MICAL3: variants seen among roughly 807,000 people sequenced by gnomAD.
MICAL3 encodes microtubule associated monooxygenase, calponin and LIM domain containing 3.
MICAL3 carries 62 observed loss-of-function variants against 207.4 expected under a neutral mutation model. The observed-to-expected ratio is 0.30, with a 90% CI of 0.24 to 0.37. The LOEUF (loss-of-function observed/expected upper bound fraction) is 0.37. MICAL3 is among the 10% of genes least tolerant of loss of function. The pLI is 1.00. For synonymous variants in MICAL3, 1,077 were observed against 1,069.3 expected (o/e 1.01, Z -0.14); for missense variants, 2,368 against 2,635.6 (o/e 0.90, Z 2.22).
intron 1 of MICAL3, among the ~76,000 whole-genome samples, chr22:17,909,902 A>T (rs1295960877): frequency 2.6e-5 from 4 of 152,080 alleles, no homozygotes; most frequent in Non-Finnish European, 4.4e-5. Context: ...TCTTTGTGGG[A>T]CTTCTGAGGC....
At chr22:17,930,501 C>T (rs1933191230) in intron 1 of MICAL3, among the ~76,000 whole-genome samples, 1 of 152,206 alleles carries the variant, frequency 6.6e-6, no homozygotes, top group South Asian at 2.1e-4. Context: ...CAACATCCAG[C>T]CACACCGATG....
In MICAL3 at chr22:17,902,013, AC is replaced by A; in HGVS notation, c.590-35del. 1 of 1,482,566 alleles carries A rather than the reference AC, an allele frequency of 6.7e-7. No homozygotes were observed. Among genetic ancestry groups the A allele is most frequent in the Non-Finnish European group, 9.4e-7 (1 of 1,069,286 alleles). The allele number at this position is 1,482,566 out of a possible 1,614,324, so 91.8% of individuals were successfully genotyped here. ...CAAAACCAAATAAATGGGGGTCACC[AC>A]CCAGACCACATTCACAGCCAGGACC... On this transcript the variant is annotated intron_variant, in intron 4 of 31. Transcript: ENST00000441493. This position sits in a 1 kb window ranked among gnomAD's most constrained non-coding sequence, Gnocchi z 4.5.
chr22:17,857,808 G>A (rs112217755), intron 19 of MICAL3, among the ~76,000 whole-genome samples: 128 of 152,324 alleles, frequency 8.4e-4, no homozygotes, highest in African/African-American at 3.0e-3. Context: ...TCTGAGGGGC[G>A]TGTGCCTTCT....
At position 17,902,682 on chromosome 22, in the gene MICAL3, T is replaced by C; in HGVS notation, c.538A>G (p.Asn180Asp). ...TGTATAAGTCCTTGGAATTCCACAT[T>C]GACGTGGATTTCAATGCCTAGGATC... ...ALILGIEIHVNVEFQGLIQPP... is the reference protein window; with the variant it reads ...ALILGIEIHVDVEFQGLIQPP... The change falls in exon 4 of 32, where the codon AAT becomes GAT. Residue 180 changes from asparagine to aspartate, a missense_variant. By Grantham distance (23) the Asn-to-Asp change is conservative. Coordinates refer to ENST00000441493, the MANE Select transcript of MICAL3 (RefSeq NM_015241.3). This position sits in a 1 kb window ranked among gnomAD's most constrained non-coding sequence, Gnocchi z 4.5. 1.2e-6 allele frequency: 2 copies of C among 1,607,952 alleles called. No homozygotes were observed. Among genetic ancestry groups the C allele is most frequent in the South Asian group, 1.1e-5 (1 of 89,660 alleles).
intron 19 of MICAL3, among the ~76,000 whole-genome samples, chr22:17,850,072 G>A (rs1244203714): frequency 6.6e-6 from 1 of 152,152 alleles, no homozygotes; most frequent in Non-Finnish European, 1.5e-5. Context: ...GGGGCACTGA[G>A]AATAGTGGGA....
At chr22:17,964,700 A>G (rs1403514459) in intron 1 of MICAL3, among the ~76,000 whole-genome samples, 1 of 152,262 alleles carries the variant, frequency 6.6e-6, no homozygotes, top group African/African-American at 2.4e-5. Flanking sequence ...AAAGATCTGC[A>G]GCAACTTAAA....
intron 1 of MICAL3, among the ~76,000 whole-genome samples, chr22:17,959,370 A>C (rs2146380426): frequency 6.6e-6 from 1 of 151,492 alleles, no homozygotes; most frequent in South Asian, 2.1e-4. Context: ...GCTGGAGTGC[A>C]GTGGCGCAAT....
intron 19 of MICAL3, chr22:17,864,318 C>T: frequency 8.5e-7 from 1 of 1,169,692 alleles, no homozygotes; most frequent in South Asian, 2.5e-5. Flanking sequence ...CAGGACAGGG[C>T]ATGTCCCATC....
intron 16 of MICAL3, chr22:17,876,780 G>A (rs1325580535): frequency 2.9e-5 from 4 of 135,710 alleles, no homozygotes; most frequent in African/African-American, 6.1e-5. Context: ...AGTTATGGAG[G>A]TTAGGGAGGT....
At chr22:17,974,287 G>C (rs1370696465) in intron 1 of MICAL3, among the ~76,000 whole-genome samples, 1 of 152,228 alleles carries the variant, frequency 6.6e-6, no homozygotes, top group East Asian at 1.9e-4. Context: ...GCTGTGAGAA[G>C]TAAGTGATGG....
rs142109379 is a variant in MICAL3 at position 17,844,173 on chromosome 22, GA to G, written c.2606-2157del. Among the ~76,000 whole-genome samples the G allele has an allele frequency of 9.6e-3, 1,455 of 152,334 alleles. 23 individuals are homozygous for G. The highest frequency in any genetic ancestry group is 0.032 in the African/African-American group (1,315 of 41,572). On this transcript the variant is annotated intron_variant, in intron 19 of 31. Transcript: ENST00000441493. ...GTTACCAGACCTTCAAGGAGGCAGA[GA>G]AGGGGCAGAGGTGCTGGAGGGAGCA...
chr22:17,811,642 G>A (rs1829414227), intron 27 of MICAL3: 1 of 152,262 alleles, frequency 6.6e-6, no homozygotes, highest in Admixed American at 6.5e-5. Context: ...GGGAGCATCA[G>A]ATGCTTTGAA....
At chr22:17,952,484 T>C (rs534265003) in intron 1 of MICAL3, among the ~76,000 whole-genome samples, 5 of 152,268 alleles carry the variant, frequency 3.3e-5, no homozygotes, top group African/African-American at 1.2e-4. Flanking sequence ...TCAACCTGGG[T>C]CCACCATGTG....
intron 19 of MICAL3, among the ~76,000 whole-genome samples, chr22:17,857,496 C>T (rs987125486): frequency 2.6e-5 from 4 of 152,342 alleles, no homozygotes; most frequent in Admixed American, 6.5e-5. Context: ...CGGCCTGCGG[C>T]GTGGCTCTTC....
chr22:17,987,383 G>A (rs1037152477), intron 1 of MICAL3, among the ~76,000 whole-genome samples: 3 of 152,366 alleles, frequency 2.0e-5, no homozygotes, highest in East Asian at 3.9e-4. Flanking sequence ...GGAGGCAGCA[G>A]GGACTGGCAG....
rs187100875 is a variant in MICAL3, at chr22:17,824,696, T to C, written c.3194-1636A>G. 6.6e-4 allele frequency among the ~76,000 whole-genome samples: 100 copies of C among 152,272 alleles called. 2 individuals are homozygous for C. The East Asian group carries it at 0.019, about 28-fold the overall frequency. On this transcript the variant is annotated intron_variant, in intron 22 of 31. Coordinates refer to ENST00000441493, the MANE Select transcript of MICAL3 (RefSeq NM_015241.3). ...CATGTGCCTCCCTGAGATACCAGAG[T>C]GGCCCACGTTGCTGGCCGTGCCAAA...
intron 1 of MICAL3, among the ~76,000 whole-genome samples, chr22:17,982,421 A>G (rs1935954725): frequency 6.6e-6 from 1 of 152,246 alleles, no homozygotes; most frequent in Admixed American, 6.5e-5. Flanking sequence ...TCATGCCTGT[A>G]ATCCCAGCAC....
At chr22:17,830,759 G>C (rs1922715537) in intron 21 of MICAL3, among the ~76,000 whole-genome samples, 1 of 152,224 alleles carries the variant, frequency 6.6e-6, no homozygotes, top group African/African-American at 2.4e-5. Flanking sequence ...GGGAAGAGTA[G>C]AGAACTGGGA....
At position 17,788,488 on chromosome 22, in the gene MICAL3, G is replaced by C. The variant is rs1360837452; in HGVS notation, c.*2244C>G. 1 of 152,360 alleles carries C rather than the reference G, an allele frequency of 6.6e-6. No homozygotes were observed. Among genetic ancestry groups the C allele is most frequent in the Non-Finnish European group, 1.5e-5 (1 of 68,110 alleles). The allele number at this position is 152,360 out of a possible 1,614,324, so 9.4% of individuals were successfully genotyped here. A position where few individuals can be genotyped will look rare whatever the true frequency, so the allele number is the denominator to read the frequency against. ...GCAGGAGCTACAAGGGCCGAAGGCG[G>C]CTCTGCCGGGGCTGGACCGGTTTTG... is the stretch of plus-strand genomic sequence containing the variant. On this transcript the variant is annotated 3_prime_UTR_variant, in exon 32 of 32. Coordinates refer to ENST00000441493, the MANE Select transcript of MICAL3 (RefSeq NM_015241.3).
Sources: gnomAD v4.1 joint callset for allele counts (sites outside exome capture counted in the v4.1 genomes callset) on GRCh38, gnomAD v4.1.1 for gene constraint, Gnocchi (gnomAD v3.1) non-coding constraint, MANE v1.5 for transcripts, NCBI Gene and HGNC (gene_info 2026-07-23, HGNC 2026-07-21) for gene names.